The following USP4 variants were observed in gnomAD, a reference collection of about 807,000 sequenced individuals.
USP4 encodes ubiquitin carboxyl-terminal hydrolase 4.
A neutral mutation model predicts 118.2 loss-of-function variants in USP4; 72 were observed. The observed-to-expected ratio is 0.61, with a 90% CI of 0.50 to 0.74. The LOEUF (loss-of-function observed/expected upper bound fraction) is 0.74. Ranked by LOEUF, USP4 falls within the 30% of genes least tolerant of loss-of-function variation. The pLI is 0.00. For missense variants in USP4, 1,037 were observed against 1,185.7 expected (o/e 0.87, Z 1.84); for synonymous variants, 415 against 440.4 (o/e 0.94, Z 0.72).
intron 2 of USP4, among the ~76,000 whole-genome samples, chr3:49,328,702 A>G (rs1262315012): frequency 6.6e-6 from 1 of 151,662 alleles, no homozygotes; most frequent in Non-Finnish European, 1.5e-5. Flanking sequence ...TCTAGTAAAA[A>G]TACAAAAATT....
chr3:49,329,064 C>A (rs1268401035), intron 2 of USP4, among the ~76,000 whole-genome samples: 4 of 151,844 alleles, frequency 2.6e-5, no homozygotes, highest in Non-Finnish European at 2.9e-5. Context: ...TGTAGCCCAG[C>A]TACTTGGGAG....
chr3:49,328,589 T>C lies in USP4; in HGVS notation c.230-773A>G, dbSNP rs530536034. Among the ~76,000 whole-genome samples, 3 of 152,080 alleles carry C rather than the reference T, an allele frequency of 2.0e-5. No individual in the cohort carries two copies. In the South Asian group the frequency reaches 6.2e-4, roughly 32 times the overall value. ...ATTAAAGCAATTCAGGCCGGGCATGTTGGCTCATGCCTGTAATTCCAGCAC... is the reference window on the plus strand; with the variant it reads ...ATTAAAGCAATTCAGGCCGGGCATGCTGGCTCATGCCTGTAATTCCAGCAC... On this transcript the variant is annotated intron_variant, in intron 2 of 21. Coordinates refer to ENST00000265560, the MANE Select transcript of USP4 (RefSeq NM_003363.4).
intron 6 of USP4, chr3:49,318,611 T>C (rs919998314): frequency 3.0e-6 from 3 of 985,176 alleles, no homozygotes. Context: ...AAAAAGACAA[T>C]TAAATATAAA....
intron 6 of USP4, among the ~76,000 whole-genome samples, chr3:49,322,094 ACCC>A (rs929131818): frequency 3.3e-5 from 5 of 152,018 alleles, no homozygotes; most frequent in African/African-American, 9.7e-5. Flanking sequence ...GAAACAGGAC[ACCC>A]CCAGACCCCT....
intron 21 of USP4, 98 bp downstream of exon 21, chr3:49,278,716 C>A: frequency 9.9e-7 from 1 of 1,014,068 alleles, no homozygotes; most frequent in Non-Finnish European, 1.5e-6. Flanking sequence ...CCCACTATCA[C>A]ATCAGGATGA....
At chr3:49,334,268 C>G (rs1045955532) in intron 2 of USP4, among the ~76,000 whole-genome samples, 8 of 152,078 alleles carry the variant, frequency 5.3e-5, no homozygotes, top group African/African-American at 1.7e-4. Context: ...GAATTTAAAA[C>G]CTTAAGAATT....
At position 49,325,767 on chromosome 3, in the gene USP4, C is replaced by A; in HGVS notation, c.439G>T (p.Asp147Tyr). The part of the protein sequence containing the change: ...LLELKLCENS[D>Y]PTNVLSCHFS... ...TGGCAACTCAGCACATTGGTGGGGT[C>A]ACTGTTCTCACAGAGCTTCAGTTCC... The change falls in exon 4 of 22, where the codon GAC becomes TAC. Residue 147 changes from aspartate (D) to tyrosine (Y), a missense_variant. Asp to Tyr is a radical substitution (Grantham distance 160, BLOSUM62 -3). Around this residue, in one of 3 missense-constraint regions of USP4, gnomAD observed 487 missense variants for 534.1 expected, o/e 0.91. Coordinates refer to ENST00000265560, the MANE Select transcript of USP4 (RefSeq NM_003363.4). 1 of 1,613,996 alleles carries A rather than the reference C, an allele frequency of 6.2e-7. No homozygotes were observed.
chr3:49,330,746 C>G (rs1398987746), intron 2 of USP4, among the ~76,000 whole-genome samples: 2 of 151,826 alleles, frequency 1.3e-5, no homozygotes, highest in African/African-American at 2.4e-5. Context: ...CGCGGTGGCT[C>G]CCACCTGTAA....
chr3:49,323,765 A>T (rs1387814841), intron 6 of USP4, among the ~76,000 whole-genome samples: 1 of 152,188 alleles, frequency 6.6e-6, no homozygotes, highest in Non-Finnish European at 1.5e-5. Flanking sequence ...CATTATTCCC[A>T]TAACTACTGG....
At chr3:49,283,343 G>T (rs1435869823) in intron 19 of USP4, among the ~76,000 whole-genome samples, 2 of 151,008 alleles carry the variant, frequency 1.3e-5, no homozygotes, top group Non-Finnish European at 3.0e-5. Context: ...TTTATTTTTT[G>T]TAGAGAGGAA....
intron 1 of USP4, among the ~76,000 whole-genome samples, chr3:49,336,089 C>T (rs2047666372): frequency 6.6e-6 from 1 of 151,644 alleles, no homozygotes; most frequent in African/African-American, 2.4e-5. Context: ...GTCTCAAACT[C>T]CTGACCTCAG....
At chr3:49,337,785 C>T (rs569430411) in intron 1 of USP4, among the ~76,000 whole-genome samples, 10 of 151,450 alleles carry the variant, frequency 6.6e-5, no homozygotes, top group South Asian at 4.2e-4. Flanking sequence ...CGGTGGCTCA[C>T]GCCTGTAATC....
rs780083958 is a variant in USP4, at chr3:49,317,113, T to C, written c.696-5459A>G. ...GTCCCTGCCACCACTACTTTTCTGG[T>C]CTGAGGCTGTAGCCTTGGTCAGGTT... On this transcript the variant is annotated intron_variant, in intron 6 of 21. Transcript: ENST00000265560. The C allele has an allele frequency of 2.2e-6, 3 of 1,353,732 alleles. No individual in the cohort carries two copies. The East Asian group carries it at 7.0e-5, about 31-fold the overall frequency. 83.9% of individuals were successfully genotyped at this position (1,353,732 alleles called of 1,614,324 possible).
chr3:49,290,625 G>A lies in USP4; in HGVS notation c.1972+1885C>T, dbSNP rs564093530. On this transcript the variant is annotated intron_variant, in intron 15 of 21. Transcript: ENST00000265560. ...CGCTTCCTGGGTTCAAGAGATTGTC[G>A]TGCTTCAGCCTCCCAAGTAGCTGGG... is the stretch of plus-strand genomic sequence containing the variant. Among the ~76,000 whole-genome samples the A allele has an allele frequency of 6.6e-4, 101 of 152,066 alleles. 1 individual carries two copies. The highest frequency in any genetic ancestry group is 1.2e-3 in the Non-Finnish European group (80 of 67,976).
intron 8 of USP4, among the ~76,000 whole-genome samples, chr3:49,306,950 A>C (rs985484264): frequency 9.9e-5 from 15 of 151,410 alleles, no homozygotes; most frequent in Non-Finnish European, 1.5e-5. Flanking sequence ...ACGCCCAGCT[A>C]ATTTTGTATT....
At position 49,278,461 on chromosome 3, in the gene USP4, A is replaced by G. The variant is rs2046984395; in HGVS notation, c.2734-10T>C. 2 of 1,611,982 alleles carry G rather than the reference A, an allele frequency of 1.2e-6. No individual in the cohort carries two copies. Among genetic ancestry groups the G allele is most frequent in the African/African-American group, 2.7e-5 (2 of 74,904 alleles). ...CATAAGCTGCTTTAGTCTGAAATAC[A>G]AGAGGGGGAAAGACCATTCAGTGCT... On this transcript the variant is annotated splice_polypyrimidine_tract_variant and intron_variant, in intron 21 of 21. Transcript: ENST00000265560.
intron 19 of USP4, among the ~76,000 whole-genome samples, chr3:49,281,837 C>T (rs1337523128): frequency 2.6e-5 from 4 of 151,342 alleles, no homozygotes; most frequent in African/African-American, 9.7e-5. Context: ...ATGGTAAAAC[C>T]CCGTCTCTAC....
chr3:49,285,471 C>A (rs1052559268), intron 16 of USP4, among the ~76,000 whole-genome samples: 1 of 152,104 alleles, frequency 6.6e-6, no homozygotes, highest in South Asian at 2.1e-4. Flanking sequence ...CATAGTGAGA[C>A]CCTGTCTCTA....
chr3:49,337,161 C>T (rs2107807811), intron 1 of USP4, among the ~76,000 whole-genome samples: 1 of 152,110 alleles, frequency 6.6e-6, no homozygotes, highest in East Asian at 1.9e-4. Context: ...GCCTGTAGTC[C>T]CAGCTGCTCG....
Sources: allele counts gnomAD v4.1 joint callset (sites outside exome capture counted in the v4.1 genomes callset), GRCh38; gene constraint gnomAD v4.1.1; regional missense constraint gnomAD v4.1.1; transcripts MANE v1.5; gene names NCBI Gene and HGNC (gene_info 2026-07-23, HGNC 2026-07-21).